TRRAP: variants seen among roughly 807,000 people sequenced by gnomAD.
TRRAP encodes transformation/transcription domain associated protein, also known as transformation/transcription domain-associated protein.
Under a neutral mutation model 438.8 loss-of-function variants are expected in TRRAP, and 41 were observed. The ratio of observed to expected loss-of-function variants is 0.09; its 90% CI spans 0.07 to 0.12. The LOEUF is 0.12. Ranked by LOEUF, TRRAP falls within the 10% of genes least tolerant of loss-of-function variation. The pLI is 1.00. For synonymous variants in TRRAP, 1,994 were observed against 1,962.9 expected (o/e 1.02, Z -0.42); for missense variants, 3,122 against 5,055.1 (o/e 0.62, Z 11.60).
In TRRAP at chr7:98,893,681, A is replaced by G. The variant is rs185612029; in HGVS notation, c.367-117A>G. The G allele has an allele frequency of 1.9e-3, 1,758 of 924,316 alleles. 4 individuals carry two copies. The highest frequency in any genetic ancestry group is 0.013 in the Middle Eastern group (41 of 3,054). The allele number at this position is 924,316 out of a possible 1,614,324, so 57.3% of individuals were successfully genotyped here. A position where few individuals can be genotyped will look rare whatever the true frequency, so the allele number is the denominator to read the frequency against. Reference sequence around the variant, plus strand: ...ACAACTGTGTTCTGTGAGCTGATGAATTTTCAGCAAATCCAATAGTTGGTT... The same window carrying G: ...ACAACTGTGTTCTGTGAGCTGATGAGTTTTCAGCAAATCCAATAGTTGGTT... On this transcript the variant is annotated intron_variant, in intron 5 of 72. Coordinates refer to ENST00000456197, the MANE Select transcript of TRRAP (RefSeq NM_001375524.1).
chr7:98,889,335 A>T (rs1795857560), intron 3 of TRRAP, among the ~76,000 whole-genome samples: 1 of 152,038 alleles, frequency 6.6e-6, no homozygotes, highest in Admixed American at 6.6e-5. Flanking sequence ...ACAACACAAC[A>T]CTTCCGAGCA....
chr7:98,995,948 G>GTCCCATCCTCGCATCCCCA, intron 67 of TRRAP, among the ~76,000 whole-genome samples: 2 of 117,452 alleles, frequency 1.7e-5, no homozygotes, highest in South Asian at 2.9e-4. Flanking sequence ...TCACACTCCC[G>GTCCCATCCTCGCATCCCCA]TCCCATCCTC....
intron 23 of TRRAP, among the ~76,000 whole-genome samples, chr7:98,928,371 C>A (rs1354500999): frequency 4.6e-5 from 7 of 152,214 alleles, no homozygotes; most frequent in African/African-American, 1.7e-4. Flanking sequence ...TGGAGTAGCA[C>A]TGCCCAGTTG....
Position 98,922,660 on chromosome 7 carries a change from G to T in TRRAP, c.2823+707G>T, listed in dbSNP as rs114063802. 4.3e-3 allele frequency among the ~76,000 whole-genome samples: 653 copies of T among 152,280 alleles called. 3 individuals are homozygous for T. Among genetic ancestry groups the T allele is most frequent in the African/African-American group, 0.015 (615 of 41,546 alleles). ...TTGCAGGACATCATCTAGCTGTTGT[G>T]TATTGGGTATTTTTTTAAGGATATT... On this transcript the variant is annotated intron_variant, in intron 21 of 72. Coordinates refer to ENST00000456197, the MANE Select transcript of TRRAP (RefSeq NM_001375524.1).
At chr7:98,969,589 G>A (rs1184941903) in intron 51 of TRRAP, among the ~76,000 whole-genome samples, 2 of 152,252 alleles carry the variant, frequency 1.3e-5, no homozygotes, top group Non-Finnish European at 1.5e-5. Flanking sequence ...CAAGAGTGTC[G>A]TGGCCAGGCA....
chr7:98,882,436 C>A (rs1451156575), intron 3 of TRRAP, among the ~76,000 whole-genome samples: 2 of 150,160 alleles, frequency 1.3e-5, no homozygotes, highest in African/African-American at 2.5e-5. Flanking sequence ...CATCTTGGCT[C>A]ACTGTAACCT....
rs1562947495 is a variant in TRRAP at position 98,931,543 on chromosome 7, G to A, written c.3730G>A (p.Asp1244Asn). The A allele has an allele frequency of 1.2e-6, 2 of 1,614,166 alleles. No individual in the cohort carries two copies. The highest frequency in any genetic ancestry group is 1.7e-6 in the Non-Finnish European group (2 of 1,180,026). ...QEKSFHHVTH[D>N]LVREVTSPNS... Reference sequence around the variant, plus strand: ...AAAGTCTTTCCACCATGTGACACACGACTTGGTTCGAGAAGTCACCTCTCC... The same window carrying A: ...AAAGTCTTTCCACCATGTGACACACAACTTGGTTCGAGAAGTCACCTCTCC... The change falls in exon 26 of 73, where the codon GAC becomes AAC. Residue 1244 changes from aspartate to asparagine, a missense_variant. Coordinates refer to ENST00000456197, the MANE Select transcript of TRRAP (RefSeq NM_001375524.1).
At chr7:98,910,860 AT>A (rs1200343120) in intron 16 of TRRAP, among the ~76,000 whole-genome samples, 2 of 151,892 alleles carry the variant, frequency 1.3e-5, no homozygotes, top group East Asian at 1.9e-4. Flanking sequence ...AAGTTTAATA[AT>A]TTTTTTCATG....
In TRRAP at chr7:98,971,934, C is replaced by T; in HGVS notation, c.7828C>T (p.Arg2610Ter). 1 of 1,614,186 alleles carries T rather than the reference C, an allele frequency of 6.2e-7. No homozygotes were observed. The highest frequency in any genetic ancestry group is 1.3e-5 in the African/African-American group (1 of 75,066). ...NRHDKFLDTLREVKTGALLSA... is the reference protein window; with the variant it reads ...NRHDKFLDTL Reference sequence around the variant, plus strand: ...GCACGACAAGTTTCTGGACACTCTCCGAGAGGTGAAGGTCTGTACGCAGCT... The same window carrying T: ...GCACGACAAGTTTCTGGACACTCTCTGAGAGGTGAAGGTCTGTACGCAGCT... Residue 2610 changes from arginine (R) to a stop codon, truncating the protein, a stop_gained, in exon 53 of 73, where the codon CGA becomes TGA. Coordinates refer to ENST00000456197, the MANE Select transcript of TRRAP (RefSeq NM_001375524.1). LOFTEE classifies it high-confidence loss of function.
intron 18 of TRRAP, among the ~76,000 whole-genome samples, chr7:98,914,358 T>C (rs1329172570): frequency 1.3e-5 from 2 of 152,152 alleles, no homozygotes; most frequent in African/African-American, 4.8e-5. Context: ...CACTTCAGCT[T>C]AGGTGACCGA....
intron 48 of TRRAP, among the ~76,000 whole-genome samples, chr7:98,965,267 A>G (rs1792101586): frequency 6.6e-6 from 1 of 152,258 alleles, no homozygotes; most frequent in Non-Finnish European, 1.5e-5. Context: ...TGTGAAACAG[A>G]TACTGCTTAA....
chr7:98,977,516 T>A (rs1792718803), intron 56 of TRRAP, among the ~76,000 whole-genome samples: 1 of 152,234 alleles, frequency 6.6e-6, no homozygotes, highest in South Asian at 2.1e-4. Context: ...AAAGGCTCTA[T>A]GACTGAAGTC....
chr7:98,974,100 G>A (rs1433224550), intron 53 of TRRAP, among the ~76,000 whole-genome samples: 1 of 152,144 alleles, frequency 6.6e-6, no homozygotes, highest in Non-Finnish European at 1.5e-5. Flanking sequence ...TTCTAGTGAG[G>A]GGAAATAATG....
At chr7:98,893,084 T>C (rs1157202711) in intron 5 of TRRAP, among the ~76,000 whole-genome samples, 1 of 152,130 alleles carries the variant, frequency 6.6e-6, no homozygotes, top group Non-Finnish European at 1.5e-5. Flanking sequence ...CCCGAGTAGC[T>C]GGGATTACAG....
Position 98,959,329 on chromosome 7 carries a change from C to A in TRRAP, c.6343-15C>A. The A allele has an allele frequency of 6.2e-7, 1 of 1,611,996 alleles. No homozygotes were observed. Among genetic ancestry groups the A allele is most frequent in the Non-Finnish European group, 8.5e-7 (1 of 1,179,084 alleles). ...ATGCAGTGAAATGCCGGCTGTAACTCGGATGAATTCCTAGGTTAATGACAA... is the reference window on the plus strand; with the variant it reads ...ATGCAGTGAAATGCCGGCTGTAACTAGGATGAATTCCTAGGTTAATGACAA... On this transcript the variant is annotated splice_polypyrimidine_tract_variant and intron_variant, in intron 44 of 72. Coordinates refer to ENST00000456197, the MANE Select transcript of TRRAP (RefSeq NM_001375524.1).
At chr7:98,899,303 A>G in intron 8 of TRRAP, 119 bp from the exon 9 acceptor site, 1 of 780,464 alleles carries the variant, frequency 1.3e-6, no homozygotes, top group Admixed American at 2.3e-5. Context: ...AATATTTACA[A>G]AGAGGTGTCA....
intron 30 of TRRAP, among the ~76,000 whole-genome samples, chr7:98,941,931 G>A (rs184551719): frequency 6.6e-6 from 1 of 152,296 alleles, no homozygotes; most frequent in African/African-American, 2.4e-5. Context: ...CCAAACCATT[G>A]TTCCCCATTC....
Position 98,953,156 on chromosome 7 carries a change from T to C in TRRAP, c.5464-11T>C. 6.2e-7 allele frequency: 1 copy of C among 1,608,370 alleles called. No individual in the cohort carries two copies. Among genetic ancestry groups the C allele is most frequent in the Non-Finnish European group, 8.5e-7 (1 of 1,177,836 alleles). ...AACTGGAAATGAGTCCTTCCTGCTG[T>C]CCCTGCACAGGTCCTGGACCCCGAG... On this transcript the variant is annotated splice_polypyrimidine_tract_variant and intron_variant, in intron 39 of 72. Transcript: ENST00000456197.
intron 17 of TRRAP, among the ~76,000 whole-genome samples, chr7:98,911,752 C>T (rs968678632): frequency 1.0e-4 from 15 of 147,990 alleles, no homozygotes; most frequent in Admixed American, 5.4e-4. Flanking sequence ...GGTGACAGAG[C>T]GAGACCCCCA....
Sources: allele counts gnomAD v4.1 joint callset (sites outside exome capture counted in the v4.1 genomes callset), GRCh38; gene constraint gnomAD v4.1.1; transcripts MANE v1.5; gene names NCBI Gene and HGNC (gene_info 2026-07-23, HGNC 2026-07-21).